The following DENND5B variants were observed in gnomAD, a reference collection of about 807,000 sequenced individuals.
The protein encoded by DENND5B is DENN domain-containing protein 5B.
A neutral mutation model predicts 140.6 loss-of-function variants in DENND5B; 34 were observed. The observed-to-expected ratio is 0.24, with a 90% confidence interval of 0.18 to 0.32. The LOEUF is 0.32. Among genes scored for constraint, DENND5B ranks in the 10% least tolerant of loss-of-function variants. The pLI is 1.00. For synonymous variants in DENND5B, 551 were observed against 562.1 expected, an observed-to-expected ratio of 0.98 and a Z score of 0.28; for missense variants, 1,142 against 1,560.2, an observed-to-expected ratio of 0.73 and a Z score of 4.52.
intron 3 of DENND5B, among the ~76,000 whole-genome samples, chr12:31,470,032 T>G (rs1043490921): frequency 3.3e-5 from 5 of 151,694 alleles, no homozygotes; most frequent in Non-Finnish European, 7.4e-5. Flanking sequence ...CACTGCAGCC[T>G]CTAACTCCTG....
intron 1 of DENND5B, among the ~76,000 whole-genome samples, chr12:31,508,256 C>T (rs1241522085): frequency 6.6e-6 from 1 of 152,108 alleles, no homozygotes; most frequent in Non-Finnish European, 1.5e-5. Context: ...CCTCCATTTC[C>T]ATTAACTACT....
intron 1 of DENND5B, among the ~76,000 whole-genome samples, chr12:31,511,075 AT>A (rs1565651516): frequency 1.3e-5 from 2 of 151,920 alleles, no homozygotes; most frequent in African/African-American, 4.8e-5. Context: ...CTGCAAAAAA[AT>A]TTTTTTTAAA....
intron 1 of DENND5B, among the ~76,000 whole-genome samples, chr12:31,518,365 G>A (rs1288895061): frequency 6.6e-6 from 1 of 152,186 alleles, no homozygotes; most frequent in Non-Finnish European, 1.5e-5. Flanking sequence ...TTTGCCTAAG[G>A]TGAGAATTAA....
At chr12:31,464,056 T>G (rs1360970466) in intron 3 of DENND5B, among the ~76,000 whole-genome samples, 4 of 152,184 alleles carry the variant, frequency 2.6e-5, no homozygotes, top group Admixed American at 2.6e-4. Flanking sequence ...GTTTTCTTCT[T>G]TAAGCATTTT....
intron 12 of DENND5B, among the ~76,000 whole-genome samples, chr12:31,414,541 C>T (rs530156737): frequency 5.9e-5 from 9 of 152,106 alleles, no homozygotes; most frequent in East Asian, 3.9e-4. Context: ...TAGTTTAGGA[C>T]GGGCACAATG....
Position 31,522,203 on chromosome 12 carries a change from T to C in DENND5B, c.128-26284A>G, listed in dbSNP as rs139854995. Among the ~76,000 whole-genome samples the C allele has an allele frequency of 7.6e-3, 1,162 of 152,290 alleles. 14 individuals are homozygous for C. The highest frequency in any genetic ancestry group is 0.026 in the African/African-American group (1,085 of 41,540). ...CCATCTCCCACTAGGGAGAGTTAGA[T>C]AAACACCTCTAAACGCTGATTTACA... is the stretch of plus-strand genomic sequence containing the variant. On this transcript the variant is annotated intron_variant, in intron 1 of 20. Coordinates refer to ENST00000389082, the MANE Select transcript of DENND5B (RefSeq NM_144973.4).
intron 5 of DENND5B, 83 bp downstream of exon 5, chr12:31,451,857 C>A (rs778734123): frequency 7.4e-6 from 11 of 1,482,866 alleles, no homozygotes; most frequent in Non-Finnish European, 1.0e-5. Context: ...AGCATAGGCA[C>A]AGAAGAATAA....
chr12:31,387,934 G>A (rs1042939772), intron 20 of DENND5B, 148 bp from the exon 21 acceptor site: 25 of 759,366 alleles, frequency 3.3e-5, no homozygotes, highest in Non-Finnish European at 4.4e-5. Flanking sequence ...GGAAATCAAA[G>A]CCAAGAAGTT....
intron 2 of DENND5B, among the ~76,000 whole-genome samples, chr12:31,487,521 C>T (rs1321143941): frequency 5.3e-5 from 8 of 152,044 alleles, no homozygotes; most frequent in South Asian, 2.1e-4. Context: ...GGCAACATGA[C>T]GAAACCCTGC....
In DENND5B at chr12:31,426,441, T is replaced by C; in HGVS notation, c.2107-17A>G. On this transcript the variant is annotated splice_polypyrimidine_tract_variant and intron_variant, in intron 8 of 20. Transcript: ENST00000389082. ...CATATATTTCTAAAAAATCAAGGAGTATTTTTAATGCGTAAACATTAGCTA... is the reference window on the plus strand; with the variant it reads ...CATATATTTCTAAAAAATCAAGGAGCATTTTTAATGCGTAAACATTAGCTA... 2 of 1,603,838 alleles carry C rather than the reference T, an allele frequency of 1.2e-6. No individual in the cohort carries two copies. Among genetic ancestry groups the C allele is most frequent in the Non-Finnish European group, 1.7e-6 (2 of 1,175,252 alleles).
intron 11 of DENND5B, among the ~76,000 whole-genome samples, chr12:31,417,705 T>C (rs914361167): frequency 3.3e-5 from 5 of 152,208 alleles, no homozygotes; most frequent in Non-Finnish European, 7.3e-5. Context: ...ATCTATTGGC[T>C]AATATATTGT....
chr12:31,425,225 T>C (rs766595105), intron 9 of DENND5B, among the ~76,000 whole-genome samples: 78 of 152,156 alleles, frequency 5.1e-4, no homozygotes, highest in Non-Finnish European at 6.9e-4. Flanking sequence ...GGCAGAAGAA[T>C]TGCTTGAACC....
At chr12:31,576,974 TTTC>T (rs1222031223) in intron 1 of DENND5B, among the ~76,000 whole-genome samples, 1 of 152,112 alleles carries the variant, frequency 6.6e-6, no homozygotes, top group Non-Finnish European at 1.5e-5. Context: ...CAAAAGAATA[TTTC>T]TTCTTCTACA....
chr12:31,461,327 A>T (rs548791675), intron 3 of DENND5B, among the ~76,000 whole-genome samples: 1 of 152,178 alleles, frequency 6.6e-6, no homozygotes, highest in Non-Finnish European at 1.5e-5. Context: ...CAAAACTATC[A>T]TATCTGGGTA....
At chr12:31,391,738 C>T (rs1173986269) in intron 19 of DENND5B, among the ~76,000 whole-genome samples, 1 of 152,112 alleles carries the variant, frequency 6.6e-6, no homozygotes, top group African/African-American at 2.4e-5. Context: ...CTGCAGCCTT[C>T]ACCTCCTAGG....
chr12:31,567,027 A>AAAGAACACAC (rs1352369951), intron 1 of DENND5B, among the ~76,000 whole-genome samples: 1 of 152,244 alleles, frequency 6.6e-6, no homozygotes, highest in Non-Finnish European at 1.5e-5. Context: ...CCACAATGTT[A>AAAGAACACAC]AAGAACACAC....
chr12:31,561,319 A>T (rs1949466922), intron 1 of DENND5B, among the ~76,000 whole-genome samples: 1 of 152,222 alleles, frequency 6.6e-6, no homozygotes, highest in South Asian at 2.1e-4. Flanking sequence ...GCATACACAA[A>T]TACATTTCAC....
Position 31,387,000 on chromosome 12 carries a change from G to T in DENND5B, c.*603C>A, listed in dbSNP as rs890582688. On this transcript the variant is annotated 3_prime_UTR_variant, in exon 21 of 21. Transcript: ENST00000389082. ...ATACTCCAATTATATCATCTTGTGCGGACTGAAATTTTTTTCCAAAAGACT... is the reference window on the plus strand; with the variant it reads ...ATACTCCAATTATATCATCTTGTGCTGACTGAAATTTTTTTCCAAAAGACT... The T allele has an allele frequency of 6.6e-6, 1 of 152,072 alleles. No homozygotes were observed. Among genetic ancestry groups the T allele is most frequent in the African/African-American group, 2.4e-5 (1 of 41,386 alleles). The allele number at this position is 152,072 out of a possible 1,614,324, so 9.4% of individuals were successfully genotyped here. A position where few individuals can be genotyped will look rare whatever the true frequency, so the allele number is the denominator to read the frequency against.
intron 1 of DENND5B, among the ~76,000 whole-genome samples, chr12:31,543,217 G>C (rs1948747206): frequency 6.6e-6 from 1 of 152,012 alleles, no homozygotes; most frequent in Admixed American, 6.6e-5. Flanking sequence ...CAAAAAACAA[G>C]AGAGATTTCA....
Sources: allele counts gnomAD v4.1 joint callset (sites outside exome capture counted in the v4.1 genomes callset), GRCh38; gene constraint gnomAD v4.1.1; transcripts MANE v1.5; gene names NCBI Gene and HGNC (gene_info 2026-07-23, HGNC 2026-07-21).